PDE8B: variants seen among roughly 807,000 people sequenced by gnomAD.
PDE8B encodes the protein phosphodiesterase 8B.
In PDE8B, 26 loss-of-function variants were observed where a neutral mutation model predicts 101.3. The observed-to-expected ratio is 0.26, with a 90% CI of 0.19 to 0.36. PDE8B has a LOEUF of 0.36. Among genes scored for constraint, PDE8B ranks in the 10% least tolerant of loss-of-function variants. The pLI is 1.00. For synonymous variants in PDE8B, 424 were observed against 429.3 expected (o/e 0.99, Z 0.15); for missense variants, 810 against 1,163.1 (o/e 0.70, Z 4.42).
intron 1 of PDE8B, among the ~76,000 whole-genome samples, chr5:77,296,902 C>T (rs527954929): frequency 1.3e-5 from 2 of 152,280 alleles, no homozygotes; most frequent in East Asian, 3.9e-4. Flanking sequence ...CTCCAGAGTT[C>T]TGTCTTTGGT....
At chr5:77,261,478 T>G (rs1310382201) in intron 1 of PDE8B, among the ~76,000 whole-genome samples, 1 of 152,246 alleles carries the variant, frequency 6.6e-6, no homozygotes, top group Non-Finnish European at 1.5e-5. Flanking sequence ...CTTCTCTACA[T>G]TTTACTCTCA....
intron 1 of PDE8B, chr5:77,291,566 CA>C: frequency 6.3e-7 from 1 of 1,598,868 alleles, no homozygotes; most frequent in Non-Finnish European, 8.6e-7. Flanking sequence ...GCAACTTTAC[CA>C]AAGATCTGGG....
chr5:77,421,361 G>T (rs1264857914), intron 19 of PDE8B, among the ~76,000 whole-genome samples: 2 of 152,078 alleles, frequency 1.3e-5, no homozygotes, highest in African/African-American at 4.8e-5. Context: ...TAGAAATCAA[G>T]AAATAATTGA....
intron 10 of PDE8B, among the ~76,000 whole-genome samples, chr5:77,390,868 T>TA (rs1424561424): frequency 1.3e-5 from 2 of 152,226 alleles, no homozygotes; most frequent in Non-Finnish European, 2.9e-5. Flanking sequence ...CTGTGTGGCT[T>TA]GGGCAAGTTT....
chr5:77,394,585 A>G (rs1394601884), intron 10 of PDE8B, among the ~76,000 whole-genome samples: 5 of 152,178 alleles, frequency 3.3e-5, no homozygotes, highest in Non-Finnish European at 7.3e-5. Flanking sequence ...AGCATATCCA[A>G]TTAATATTGC....
chr5:77,329,040 C>T lies in PDE8B; in HGVS notation c.633C>T (p.Leu211=), dbSNP rs1222916567. 8.1e-6 allele frequency: 13 copies of T among 1,613,724 alleles called. No individual in the cohort carries two copies. The highest frequency in any genetic ancestry group is 2.2e-5 in the East Asian group (1 of 44,892). ...ATCCCTCCGAGCACACGGTGATCCT[C>T]GCAGTGGTTTCGCGAGTGTAAGTGC... The part of the protein sequence containing the change: ...ATNPSEHTVI[L]AVVSRVSDDH... The change falls in exon 4 of 22, where the codon CTC becomes CTT. Residue 211 remains leucine, a synonymous_variant. Coordinates refer to ENST00000264917, the MANE Select transcript of PDE8B (RefSeq NM_003719.5).
chr5:77,325,261 A>G (rs1284280872), intron 2 of PDE8B, among the ~76,000 whole-genome samples: 53 of 152,206 alleles, frequency 3.5e-4, no homozygotes, highest in Non-Finnish European at 2.9e-5. Flanking sequence ...TCTACCTCCC[A>G]GGCTCAAGTG....
At chr5:77,164,650 A>C in the PDE8B span, among the ~76,000 whole-genome samples, 1 of 151,876 alleles carries the variant, frequency 6.6e-6, no homozygotes. Flanking sequence ...TTCAGAACCC[A>C]CCCCCAACTC....
the PDE8B span, among the ~76,000 whole-genome samples, chr5:77,183,115 T>TTAA: frequency 7.7e-6 from 1 of 130,180 alleles, no homozygotes; most frequent in Non-Finnish European, 1.5e-5. Flanking sequence ...ATTATTATTA[T>TTAA]TATTATTATT....
intron 1 of PDE8B, among the ~76,000 whole-genome samples, chr5:77,244,521 A>G (rs1192329817): frequency 6.6e-6 from 1 of 152,104 alleles, no homozygotes; most frequent in Non-Finnish European, 1.5e-5. Context: ...ACAGAAATAC[A>G]TCTGTTGGGA....
At chr5:77,312,603 G>C (rs933333930) in intron 2 of PDE8B, among the ~76,000 whole-genome samples, 1 of 152,222 alleles carries the variant, frequency 6.6e-6, no homozygotes, top group East Asian at 1.9e-4. Context: ...ACAACTGGGT[G>C]GGAATCTTGG....
chr5:77,421,768 G>T, intron 19 of PDE8B, 53 bp from the exon 20 acceptor site: 4 of 1,580,248 alleles, frequency 2.5e-6, no homozygotes, highest in Non-Finnish European at 3.5e-6. Context: ...ATTAACCCTT[G>T]TGGGCTTCAC....
rs117836595 is a variant in PDE8B at position 77,382,364 on chromosome 5, C to T, written c.1168-17884C>T. ...ACTAGAGTTTAACATTTGTTTTCAT[C>T]TATTCTAAGGTAGAAGTTACATACA... On this transcript the variant is annotated intron_variant, in intron 10 of 21. Coordinates refer to ENST00000264917, the MANE Select transcript of PDE8B (RefSeq NM_003719.5). 1.1e-3 allele frequency among the ~76,000 whole-genome samples: 161 copies of T among 152,274 alleles called. 2 individuals are homozygous for T. In the East Asian group the frequency reaches 0.029, roughly 28 times the overall value.
chr5:77,393,838 T>C (rs1790458486), intron 10 of PDE8B, among the ~76,000 whole-genome samples: 1 of 152,048 alleles, frequency 6.6e-6, no homozygotes, highest in African/African-American at 2.4e-5. Context: ...GAAAGTGATA[T>C]TCTTTACTTA....
chr5:77,219,013 T>C (rs1465537843), intron 1 of PDE8B, among the ~76,000 whole-genome samples: 1 of 152,202 alleles, frequency 6.6e-6, no homozygotes, highest in Non-Finnish European at 1.5e-5. Context: ...TCTGCTTCAC[T>C]TGGATTTCCA....
chr5:77,325,382 C>A (rs1775852649), intron 2 of PDE8B, among the ~76,000 whole-genome samples, 157 bp from the exon 3 acceptor site: 1 of 152,178 alleles, frequency 6.6e-6, no homozygotes, highest in Non-Finnish European at 1.5e-5. Flanking sequence ...GTTGCCCTGG[C>A]TGGTCTTGAA....
intron 9 of PDE8B, 44 bp downstream of exon 9, chr5:77,351,197 C>A: frequency 7.1e-7 from 1 of 1,409,358 alleles, no homozygotes; most frequent in Non-Finnish European, 1.0e-6. Context: ...GATAAAGACT[C>A]AAGGCCCTCA....
intron 6 of PDE8B, among the ~76,000 whole-genome samples, chr5:77,340,299 C>G (rs1333477326): frequency 6.6e-6 from 1 of 152,194 alleles, no homozygotes; most frequent in Non-Finnish European, 1.5e-5. Context: ...CTGTGGAACA[C>G]CACATCTCTC....
intron 10 of PDE8B, among the ~76,000 whole-genome samples, chr5:77,374,431 A>G (rs1785672676): frequency 6.6e-6 from 1 of 150,962 alleles, no homozygotes; most frequent in Non-Finnish European, 1.5e-5. Flanking sequence ...TTTTATTTTT[A>G]TTTTCTTTTA....
Sources: allele counts gnomAD v4.1 joint callset (sites outside exome capture counted in the v4.1 genomes callset), GRCh38; gene constraint gnomAD v4.1.1; transcripts MANE v1.5; gene names NCBI Gene and HGNC (gene_info 2026-07-23, HGNC 2026-07-21).